Variants in PIBF1 observed in about 807,000 individuals in gnomAD.
PIBF1 encodes the protein progesterone immunomodulatory binding factor 1.
A neutral mutation model predicts 112.5 loss-of-function variants in PIBF1; 90 were observed. The observed-to-expected ratio is 0.80, with a 90% confidence interval of 0.67 to 0.95. PIBF1 has a LOEUF of 0.95. Ranked by LOEUF, PIBF1 falls within the 40% of genes least tolerant of loss-of-function variation. PIBF1 has a pLI of 0.00. For synonymous variants in PIBF1, 301 were observed against 288.6 expected (o/e 1.04, Z -0.44); for missense variants, 915 against 852.3 (o/e 1.07, Z -0.92).
chr13:72,792,818 C>T (rs1299421940), intron 3 of PIBF1, among the ~76,000 whole-genome samples: 2 of 152,142 alleles, frequency 1.3e-5, no homozygotes, highest in East Asian at 3.9e-4. Flanking sequence ...CACCATTAAC[C>T]TTTCTTCTTT....
chr13:72,885,826 T>C (rs2039827788), intron 10 of PIBF1, among the ~76,000 whole-genome samples: 1 of 152,250 alleles, frequency 6.6e-6, no homozygotes, highest in East Asian at 1.9e-4. Flanking sequence ...TCAGGAGTCA[T>C]CCGCATCCTT....
intron 2 of PIBF1, among the ~76,000 whole-genome samples, chr13:72,786,144 CTT>C (rs965322636): frequency 1.8e-4 from 27 of 152,196 alleles, no homozygotes; most frequent in Middle Eastern, 3.4e-3. Context: ...TAATAATAAA[CTT>C]ATTATTTACA....
chr13:72,949,420 A>G (rs887155901), intron 14 of PIBF1, among the ~76,000 whole-genome samples: 2 of 145,016 alleles, frequency 1.4e-5, no homozygotes, highest in African/African-American at 5.1e-5. Flanking sequence ...GGCTCAAGCA[A>G]TTCTCCTGCC....
At chr13:72,799,439 T>C (rs961291819) in intron 5 of PIBF1, among the ~76,000 whole-genome samples, 5 of 152,212 alleles carry the variant, frequency 3.3e-5, no homozygotes, top group African/African-American at 1.2e-4. Context: ...TGAGGAGCAG[T>C]GACATCAGCA....
intron 16 of PIBF1, among the ~76,000 whole-genome samples, chr13:72,993,482 G>A (rs1039214357): frequency 6.6e-6 from 1 of 152,100 alleles, no homozygotes; most frequent in Non-Finnish European, 1.5e-5. Context: ...AAGATGGAAA[G>A]CCAAAGGACA....
intron 8 of PIBF1, among the ~76,000 whole-genome samples, chr13:72,829,354 A>G (rs2036987310): frequency 6.6e-6 from 1 of 152,222 alleles, no homozygotes; most frequent in Non-Finnish European, 1.5e-5. Context: ...GTCTTTGCCC[A>G]TGCCTACATC....
rs565108257 is a variant in PIBF1, at chr13:72,816,873, G to A, written c.673-4976G>A. On this transcript the variant is annotated intron_variant, in intron 5 of 17. Transcript: ENST00000326291. ...TTTTTTTTTTGAAAAATTTCTTGAA[G>A]ATCTTAACAATGACAAGAGTTGTCT... is the stretch of plus-strand genomic sequence containing the variant. 2.0e-5 allele frequency among the ~76,000 whole-genome samples: 3 copies of A among 151,864 alleles called. No homozygotes were observed. In the East Asian group the frequency reaches 5.8e-4, roughly 29 times the overall value.
intron 9 of PIBF1, among the ~76,000 whole-genome samples, chr13:72,842,372 T>C (rs995804572): frequency 1.3e-5 from 2 of 152,064 alleles, no homozygotes; most frequent in Non-Finnish European, 2.9e-5. Context: ...TGAAAGGGGG[T>C]AGGCAGTAGA....
At chr13:73,013,992 C>G (rs902035409) in intron 17 of PIBF1, among the ~76,000 whole-genome samples, 2 of 152,082 alleles carry the variant, frequency 1.3e-5, no homozygotes, top group Admixed American at 1.3e-4. Context: ...CTTTTCAAAA[C>G]AGAAAGCACT....
chr13:72,952,035 C>CTTTTTTTTTTTTTTTTTTT (rs67211238), intron 14 of PIBF1, among the ~76,000 whole-genome samples: 3 of 123,002 alleles, frequency 2.4e-5, no homozygotes, highest in Non-Finnish European at 5.1e-5. Context: ...TTTCTTTTCT[C>CTTTTTTTTTTTTTTTTTTT]TTTTTTTTTT....
intron 14 of PIBF1, among the ~76,000 whole-genome samples, chr13:72,958,347 A>G (rs963790257): frequency 6.8e-6 from 1 of 148,118 alleles, no homozygotes. Context: ...ATGCAGGGCC[A>G]CAATTTGAAG....
At chr13:72,986,893 T>G (rs1179753483) in intron 16 of PIBF1, among the ~76,000 whole-genome samples, 1 of 151,534 alleles carries the variant, frequency 6.6e-6, no homozygotes, top group Non-Finnish European at 1.5e-5. Flanking sequence ...GGGTTTCACC[T>G]TGTTAGCCAG....
chr13:72,916,932 A>G, intron 12 of PIBF1, 144 bp from the exon 13 acceptor site: 1 of 458,092 alleles, frequency 2.2e-6, no homozygotes, highest in Non-Finnish European at 3.9e-6. Flanking sequence ...CTACTTACAA[A>G]TGGGCTGTTT....
chr13:72,929,668 G>A (rs1165027162), intron 13 of PIBF1, among the ~76,000 whole-genome samples: 1 of 151,950 alleles, frequency 6.6e-6, no homozygotes, highest in Non-Finnish European at 1.5e-5. Flanking sequence ...TTGTATGTCA[G>A]TAAAGTTTAA....
At chr13:72,940,731 T>C (rs544932607) in intron 14 of PIBF1, among the ~76,000 whole-genome samples, 1 of 152,320 alleles carries the variant, frequency 6.6e-6, no homozygotes, top group South Asian at 2.1e-4. Flanking sequence ...GTAAGGCCAA[T>C]TTCTCCCCCA....
intron 3 of PIBF1, among the ~76,000 whole-genome samples, 157 bp downstream of exon 3, chr13:72,792,704 A>G (rs554544921): frequency 6.6e-6 from 1 of 152,362 alleles, no homozygotes; most frequent in South Asian, 2.1e-4. Flanking sequence ...AAAGTAGGAT[A>G]CTTGATATGG....
intron 5 of PIBF1, among the ~76,000 whole-genome samples, chr13:72,806,682 T>C (rs969004653): frequency 6.6e-6 from 1 of 152,208 alleles, no homozygotes; most frequent in African/African-American, 2.4e-5. Context: ...TTCATCCATG[T>C]CCCTGCAAAG....
chr13:72,811,736 T>G (rs2138065211), intron 5 of PIBF1, among the ~76,000 whole-genome samples: 1 of 152,326 alleles, frequency 6.6e-6, no homozygotes, highest in Admixed American at 6.5e-5. Flanking sequence ...TTGGACTTAC[T>G]AAAATCCCTC....
intron 10 of PIBF1, among the ~76,000 whole-genome samples, chr13:72,883,792 T>A (rs1195825199): frequency 6.6e-6 from 1 of 152,148 alleles, no homozygotes; most frequent in African/African-American, 2.4e-5. Context: ...CTGGCCTAAT[T>A]GTACATTTTA....
Sources: allele counts gnomAD v4.1 joint callset (sites outside exome capture counted in the v4.1 genomes callset), GRCh38; gene constraint gnomAD v4.1.1; transcripts MANE v1.5; gene names NCBI Gene and HGNC (gene_info 2026-07-23, HGNC 2026-07-21).